The following PRKD1 variants were observed in gnomAD, a reference collection of about 807,000 sequenced individuals.
PRKD1 encodes protein kinase D1.
PRKD1 carries 63 observed loss-of-function variants against 95.9 expected under a neutral mutation model. That is an observed-to-expected ratio of 0.66 (90% CI 0.54 to 0.81). PRKD1 has a LOEUF of 0.81. PRKD1 is among the 30% of genes least tolerant of loss of function. The probability of loss-of-function intolerance (pLI) is 0.00; values close to 1 mark genes in which losing one functional copy is unlikely to be tolerated. For missense variants in PRKD1, 1,048 were observed against 1,165.3 expected (o/e 0.90, Z 1.47); for synonymous variants, 425 against 423.1 (o/e 1.00, Z -0.05).
chr14:29,681,333 C>T (rs1461406884), intron 2 of PRKD1, among the ~76,000 whole-genome samples: 1 of 151,852 alleles, frequency 6.6e-6, no homozygotes, highest in Non-Finnish European at 1.5e-5. Flanking sequence ...CCCTTTCTGT[C>T]ACTTCATGAA....
chr14:29,792,694 T>C (rs1349203258), intron 1 of PRKD1, among the ~76,000 whole-genome samples: 7 of 152,074 alleles, frequency 4.6e-5, no homozygotes, highest in African/African-American at 1.2e-4. Context: ...CATGGCATTG[T>C]TGAAAAACTC....
intron 1 of PRKD1, among the ~76,000 whole-genome samples, chr14:29,913,329 T>A (rs1419167376): frequency 6.6e-6 from 1 of 152,220 alleles, no homozygotes; most frequent in Non-Finnish European, 1.5e-5. Context: ...ATGTGTGCCC[T>A]AAGTCAGGTT....
chr14:29,911,505 A>G (rs1465116621), intron 1 of PRKD1, among the ~76,000 whole-genome samples: 1 of 152,244 alleles, frequency 6.6e-6, no homozygotes, highest in East Asian at 1.9e-4. Flanking sequence ...TTATATTTCA[A>G]AACTGACATA....
intron 1 of PRKD1, among the ~76,000 whole-genome samples, chr14:29,810,714 T>G (rs1420799093): frequency 6.6e-6 from 1 of 152,270 alleles, no homozygotes; most frequent in Admixed American, 6.5e-5. Flanking sequence ...TGCTTCCAGG[T>G]GGCAGGCACC....
At chr14:29,839,042 G>A (rs772788930) in intron 1 of PRKD1, among the ~76,000 whole-genome samples, 3 of 151,916 alleles carry the variant, frequency 2.0e-5, no homozygotes, top group Admixed American at 6.6e-5. Context: ...GAAGGGATGA[G>A]ACAATGTTGA....
intron 2 of PRKD1, among the ~76,000 whole-genome samples, chr14:29,670,206 A>T (rs1239347442): frequency 1.3e-5 from 2 of 152,198 alleles, no homozygotes; most frequent in East Asian, 3.8e-4. Flanking sequence ...CTCCTAGGTA[A>T]TATAGTATAT....
chr14:29,644,151 A>G (rs1000040118), intron 4 of PRKD1, among the ~76,000 whole-genome samples: 7 of 152,226 alleles, frequency 4.6e-5, no homozygotes, highest in Non-Finnish European at 8.8e-5. Context: ...ACAGACTGTA[A>G]TAAAAGATTT....
At chr14:29,676,535 A>T (rs532320324) in intron 2 of PRKD1, among the ~76,000 whole-genome samples, 1 of 152,220 alleles carries the variant, frequency 6.6e-6, no homozygotes, top group African/African-American at 2.4e-5. Context: ...TTGTATTTTT[A>T]GTAGAGACGG....
Position 29,631,121 on chromosome 14 carries a change from GCCA to G in PRKD1, c.1393-103_1393-101del, listed in dbSNP as rs960092316. 9.7e-6 allele frequency: 11 copies of G among 1,128,676 alleles called. No homozygotes were observed. The African/African-American group carries it at 1.7e-4, about 18-fold the overall frequency. 69.9% of individuals were successfully genotyped at this position (1,128,676 alleles called of 1,614,324 possible). A position where few individuals can be genotyped will look rare whatever the true frequency, so the allele number is the denominator to read the frequency against. On this transcript the variant is annotated intron_variant, in intron 9 of 17. Coordinates refer to ENST00000331968, the MANE Select transcript of PRKD1 (RefSeq NM_002742.3). ...CATGTGAAAAATGACATCACAAATA[GCCA>G]CCATTTAAATAAAATACTTTTAAAC...
chr14:29,904,962 G>A lies in PRKD1; in HGVS notation c.264+22287C>T, dbSNP rs369925699. Among the ~76,000 whole-genome samples, 92 of 152,286 alleles carry A rather than the reference G, an allele frequency of 6.0e-4. 2 individuals are homozygous for A. In the South Asian group the frequency reaches 0.016, roughly 26 times the overall value. Reference sequence around the variant, plus strand: ...TAAATCAATAATTTGTGGGGAATACGTGGTCACTTTTTTGGATGACATTGC... The same window carrying A: ...TAAATCAATAATTTGTGGGGAATACATGGTCACTTTTTTGGATGACATTGC... On this transcript the variant is annotated intron_variant, in intron 1 of 17. Transcript: ENST00000331968.
intron 4 of PRKD1, among the ~76,000 whole-genome samples, chr14:29,648,444 G>A (rs1353528703): frequency 6.6e-6 from 1 of 152,066 alleles, no homozygotes; most frequent in Non-Finnish European, 1.5e-5. Context: ...AGGAGGCAAG[G>A]GAGAATTAGA....
In PRKD1 at chr14:29,897,243, T is replaced by A. The variant is rs575190209; in HGVS notation, c.264+30006A>T. Among the ~76,000 whole-genome samples, 13 of 152,288 alleles carry A rather than the reference T, an allele frequency of 8.5e-5. No homozygotes were observed. In the East Asian group the frequency reaches 2.5e-3, roughly 29 times the overall value. On this transcript the variant is annotated intron_variant, in intron 1 of 17. Coordinates refer to ENST00000331968, the MANE Select transcript of PRKD1 (RefSeq NM_002742.3). ...TTTAATCTGCAAAATCTTAATTATA[T>A]AGATATAACAAATTTCATTTGTTAT...
intron 1 of PRKD1, among the ~76,000 whole-genome samples, chr14:29,874,401 C>T (rs966744029): frequency 6.6e-6 from 1 of 152,028 alleles, no homozygotes; most frequent in East Asian, 1.9e-4. Flanking sequence ...ATGACCACTA[C>T]GGAAAACAGT....
In PRKD1 at chr14:29,577,227, G is replaced by A. The variant is rs1892584264; in HGVS notation, c.*11C>T. Reference sequence around the variant, plus strand: ...TTCCACAGTGTTTTGACAGATTATAGGAGATGGAACTCAGAGGATGCTGAC... The same window carrying A: ...TTCCACAGTGTTTTGACAGATTATAAGAGATGGAACTCAGAGGATGCTGAC... On this transcript the variant is annotated 3_prime_UTR_variant, in exon 18 of 18. Transcript: ENST00000331968. 1 of 1,603,428 alleles carries A rather than the reference G, an allele frequency of 6.2e-7. No homozygotes were observed. The highest frequency in any genetic ancestry group is 1.3e-5 in the African/African-American group (1 of 74,746).
At chr14:29,901,153 A>G (rs1298312286) in intron 1 of PRKD1, among the ~76,000 whole-genome samples, 2 of 152,246 alleles carry the variant, frequency 1.3e-5, no homozygotes, top group Non-Finnish European at 1.5e-5. Flanking sequence ...AATATTACAC[A>G]GCCATAAAAA....
chr14:29,589,204 G>A (rs767247108), intron 16 of PRKD1, among the ~76,000 whole-genome samples: 8 of 152,130 alleles, frequency 5.3e-5, no homozygotes, highest in Non-Finnish European at 1.2e-4. Context: ...TTTGATAATG[G>A]AAATGTACTA....
At chr14:29,717,524 A>C (rs1028255525) in intron 2 of PRKD1, among the ~76,000 whole-genome samples, 2 of 152,138 alleles carry the variant, frequency 1.3e-5, no homozygotes, top group Non-Finnish European at 2.9e-5. Flanking sequence ...TATGAAATTG[A>C]AGCTATGTGG....
At chr14:29,864,515 T>C (rs775942103) in intron 1 of PRKD1, among the ~76,000 whole-genome samples, 3 of 152,110 alleles carry the variant, frequency 2.0e-5, no homozygotes, top group Non-Finnish European at 4.4e-5. Context: ...GGCAGTATGA[T>C]GAAAAGAAAA....
intron 16 of PRKD1, among the ~76,000 whole-genome samples, chr14:29,579,227 G>T (rs192278165): frequency 2.6e-5 from 4 of 151,986 alleles, no homozygotes; most frequent in African/African-American, 9.6e-5. Context: ...TTCAGTATAC[G>T]TCATTAATAG....
Sources: gnomAD v4.1 joint callset for allele counts (sites outside exome capture counted in the v4.1 genomes callset) on GRCh38, gnomAD v4.1.1 for gene constraint, MANE v1.5 for transcripts, NCBI Gene and HGNC (gene_info 2026-07-23, HGNC 2026-07-21) for gene names.